The following TUBGCP3 variants were observed in gnomAD, a reference collection of about 807,000 sequenced individuals.
The protein encoded by TUBGCP3 is gamma-tubulin complex component 3.
Under a neutral mutation model 123.1 loss-of-function variants are expected in TUBGCP3, and 50 were observed. The observed-to-expected ratio is 0.41, with a 90% confidence interval of 0.32 to 0.51. The LOEUF (loss-of-function observed/expected upper bound fraction) is 0.51, where lower values mean the gene tolerates loss of function less well. Among genes scored for constraint, TUBGCP3 ranks in the 20% least tolerant of loss-of-function variants. TUBGCP3 has a pLI of 0.36. For synonymous variants in TUBGCP3, 405 were observed against 413.9 expected, an observed-to-expected ratio of 0.98 and a Z score of 0.26; for missense variants, 882 against 1,127.0, an observed-to-expected ratio of 0.78 and a Z score of 3.11.
At chr13:112,601,282 A>G in the TUBGCP3 span, among the ~76,000 whole-genome samples, 2 of 152,250 alleles carry the variant, frequency 1.3e-5, no homozygotes, top group East Asian at 3.9e-4. Flanking sequence ...TTCCAGGACT[A>G]ATATTTTAAT....
intron 11 of TUBGCP3, among the ~76,000 whole-genome samples, chr13:112,543,688 G>A (rs1314461728): frequency 6.6e-6 from 1 of 152,122 alleles, no homozygotes; most frequent in Non-Finnish European, 1.5e-5. Flanking sequence ...AACTTGTGTG[G>A]AGTCTCAGTT....
intron 1 of TUBGCP3, among the ~76,000 whole-genome samples, chr13:112,575,555 G>C (rs1881743959): frequency 1.3e-5 from 2 of 152,194 alleles, no homozygotes; most frequent in Non-Finnish European, 2.9e-5. Flanking sequence ...CAAGTGAAGA[G>C]AAAATGAGCA....
intron 11 of TUBGCP3, among the ~76,000 whole-genome samples, chr13:112,529,807 C>T (rs1186418994): frequency 1.3e-5 from 2 of 152,202 alleles, no homozygotes; most frequent in African/African-American, 2.4e-5. Flanking sequence ...CAGCTGAGTT[C>T]TCCAGTCAGA....
the TUBGCP3 span, chr13:112,604,083 A>G: frequency 0.15 from 23,019 of 152,184 alleles, 2,014 homozygotes; most frequent in East Asian, 0.21. Context: ...TGGTGAACTC[A>G]TAGAATCACT....
intron 1 of TUBGCP3, among the ~76,000 whole-genome samples, chr13:112,578,335 G>A (rs183039570): frequency 2.6e-3 from 396 of 151,562 alleles, no homozygotes; most frequent in African/African-American, 8.9e-3. Flanking sequence ...CGAGGCGGGC[G>A]GATCACGAGG....
At chr13:112,532,254 G>A (rs984449374) in intron 11 of TUBGCP3, among the ~76,000 whole-genome samples, 2 of 152,148 alleles carry the variant, frequency 1.3e-5, no homozygotes, top group Admixed American at 1.3e-4. Flanking sequence ...AAGAGGTATG[G>A]CATAAAAATT....
At chr13:112,497,973 TTAA>T (rs1241197653) in intron 20 of TUBGCP3, among the ~76,000 whole-genome samples, 3 of 152,202 alleles carry the variant, frequency 2.0e-5, no homozygotes, top group Admixed American at 6.5e-5. Flanking sequence ...CCAAACTTGC[TTAA>T]TAAATCTGAA....
chr13:112,529,375 T>C (rs1877385364), intron 11 of TUBGCP3, among the ~76,000 whole-genome samples: 1 of 152,208 alleles, frequency 6.6e-6, no homozygotes, highest in Admixed American at 6.5e-5. Flanking sequence ...AAAGAGGAAA[T>C]CATTTGACTA....
At chr13:112,487,236 A>C (rs1008076764) in intron 21 of TUBGCP3, among the ~76,000 whole-genome samples, 2 of 152,190 alleles carry the variant, frequency 1.3e-5, no homozygotes, top group Non-Finnish European at 2.9e-5. Flanking sequence ...ACTAAAAGGA[A>C]ATCTAAGAAT....
intron 17 of TUBGCP3, among the ~76,000 whole-genome samples, chr13:112,507,030 C>T (rs1186749490): frequency 6.6e-6 from 1 of 152,194 alleles, no homozygotes; most frequent in African/African-American, 2.4e-5. Flanking sequence ...ACAGAGTGTA[C>T]ATATATTTGT....
At chr13:112,579,829 C>T (rs778644151) in intron 1 of TUBGCP3, among the ~76,000 whole-genome samples, 2 of 152,244 alleles carry the variant, frequency 1.3e-5, no homozygotes, top group African/African-American at 2.4e-5. Context: ...AACAACCCCA[C>T]TTGCAGGTGT....
Position 112,556,126 on chromosome 13 carries a change from G to T in TUBGCP3, c.647C>A (p.Ala216Asp). ...TLTANQPSSQATTSKGVPSAV... is the reference protein window; with the variant it reads ...TLTANQPSSQDTTSKGVPSAV... ...ACTGGGGACACCTTTTGAGGTAGTG[G>T]CTTGTGAAGAAGGCTGATTTGCAGT... The change falls in exon 6 of 22, where the codon GCC becomes GAC. Residue 216 changes from alanine to aspartate, a missense_variant. Physicochemically the swap from Ala to Asp is moderately radical, Grantham distance 126 (BLOSUM62 -2). Around this residue, in one of 3 missense-constraint regions of TUBGCP3, gnomAD observed 713 missense variants for 874.0 expected, o/e 0.82. Coordinates refer to ENST00000261965, the MANE Select transcript of TUBGCP3 (RefSeq NM_006322.6). The T allele has an allele frequency of 6.2e-7, 1 of 1,614,106 alleles. No individual in the cohort carries two copies. Among genetic ancestry groups the T allele is most frequent in the Non-Finnish European group, 8.5e-7 (1 of 1,179,996 alleles).
At chr13:112,559,296 G>A (rs754361461) in intron 4 of TUBGCP3, 26 bp downstream of exon 4, 27 of 1,597,040 alleles carry the variant, frequency 1.7e-5, no homozygotes, top group Non-Finnish European at 2.3e-5. Flanking sequence ...CGACGGACAC[G>A]ACGCTGCAAA....
chr13:112,564,869 C>A lies in TUBGCP3; in HGVS notation c.252+242G>T, dbSNP rs1880832243. On this transcript the variant is annotated intron_variant, in intron 3 of 21. Transcript: ENST00000261965. ...ATTAAGCGACTACAATAAAAACTCA[C>A]AAATTCTGTTGACTTTCCCTGTGCA... 2.0e-5 allele frequency among the ~76,000 whole-genome samples: 3 copies of A among 152,320 alleles called. No homozygotes were observed. In the Middle Eastern group the frequency reaches 0.01, roughly 518 times the overall value.
intron 17 of TUBGCP3, among the ~76,000 whole-genome samples, chr13:112,516,108 A>G (rs1270315838): frequency 3.3e-5 from 5 of 152,114 alleles, no homozygotes; most frequent in African/African-American, 1.2e-4. Flanking sequence ...ATTGTTTTAA[A>G]TAATATATTC....
intron 1 of TUBGCP3, among the ~76,000 whole-genome samples, chr13:112,570,461 T>C (rs1174082543): frequency 6.6e-6 from 1 of 152,264 alleles, no homozygotes; most frequent in East Asian, 1.9e-4. Context: ...TTTAATATAC[T>C]GTGGTCTGTT....
chr13:112,492,744 G>A (rs1880190678), intron 20 of TUBGCP3, among the ~76,000 whole-genome samples: 1 of 150,634 alleles, frequency 6.6e-6, no homozygotes, highest in Admixed American at 6.6e-5. Context: ...AGACGCTCTA[G>A]CTATGGGAAC....
rs141061427 is a variant in TUBGCP3 at position 112,564,650 on chromosome 13, A to T, written c.252+461T>A. Among the ~76,000 whole-genome samples the T allele has an allele frequency of 8.1e-3, 1,229 of 152,300 alleles. 14 individuals carry two copies. The highest frequency in any genetic ancestry group is 0.028 in the African/African-American group (1,166 of 41,566). On this transcript the variant is annotated intron_variant, in intron 3 of 21. Transcript: ENST00000261965. The stretch of plus-strand genomic sequence containing the variant: ...GGGGAACACAGCGAAGCTGCGTCTC[A>T]AAAGAAAAAAAAAAGGTTAGAAAAA...
intron 20 of TUBGCP3, among the ~76,000 whole-genome samples, chr13:112,497,571 T>A (rs894813806): frequency 2.7e-4 from 41 of 152,312 alleles, no homozygotes; most frequent in African/African-American, 9.1e-4. Context: ...GTTAGTACCA[T>A]CATATGACAT....
Sources: gnomAD v4.1 joint callset for allele counts (sites outside exome capture counted in the v4.1 genomes callset) on GRCh38, gnomAD v4.1.1 for gene constraint, gnomAD v4.1.1 regional missense constraint, MANE v1.5 for transcripts, NCBI Gene and HGNC (gene_info 2026-07-23, HGNC 2026-07-21) for gene names.